The following RRP7A variants were observed in gnomAD, a reference collection of about 807,000 sequenced individuals.
RRP7A encodes the protein ribosomal RNA-processing protein 7 homolog A.
RRP7A carries 27 observed loss-of-function variants against 38.4 expected under a neutral mutation model. That is an observed-to-expected ratio of 0.70 (90% CI 0.52 to 0.97). RRP7A has a LOEUF of 0.97. Ranked by LOEUF, RRP7A falls within the 50% of genes least tolerant of loss-of-function variation. RRP7A has a pLI of 0.00. For missense variants in RRP7A, 327 were observed against 375.4 expected, an observed-to-expected ratio of 0.87 and a Z score of 1.07; for synonymous variants, 124 against 150.3, an observed-to-expected ratio of 0.83 and a Z score of 1.28.
At chr22:42,517,372 A>T (rs1601808227) in intron 2 of RRP7A, among the ~76,000 whole-genome samples, 1 of 149,958 alleles carries the variant, frequency 6.7e-6, no homozygotes, top group Non-Finnish European at 1.5e-5. Context: ...AAAAATTAAC[A>T]GTTGTGTTTG....
chr22:42,515,284 T>G lies in RRP7A; in HGVS notation c.343-16A>C, dbSNP rs527278869. 1.2e-4 allele frequency: 136 copies of G among 1,158,032 alleles called. No individual in the cohort carries two copies. The African/African-American group carries it at 2.2e-3, about 19-fold the overall frequency. The allele number at this position is 1,158,032 out of a possible 1,614,324, so 71.7% of individuals were successfully genotyped here. A position where few individuals can be genotyped will look rare whatever the true frequency, so the allele number is the denominator to read the frequency against. Reference sequence around the variant, plus strand: ...CCTGGAAACCCTGAAGAGAGAGAGATGTCAGAGGTTGGGGGCTCCTTCCCA... The same window carrying G: ...CCTGGAAACCCTGAAGAGAGAGAGAGGTCAGAGGTTGGGGGCTCCTTCCCA... On this transcript the variant is annotated splice_polypyrimidine_tract_variant and intron_variant, in intron 3 of 6. Coordinates refer to ENST00000323013, the MANE Select transcript of RRP7A (RefSeq NM_015703.5).
In RRP7A at chr22:42,511,997, T is replaced by C. The variant is rs1347838945; in HGVS notation, c.*913A>G. The C allele has an allele frequency of 1.4e-4, 99 of 711,438 alleles. No individual in the cohort carries two copies. The African/African-American group carries it at 1.4e-3, about 10-fold the overall frequency. 44.1% of individuals were successfully genotyped at this position (711,438 alleles called of 1,614,324 possible). ...AGCCGAGTGTGGGGGAAACTCACTGTGGGAGGCGCTCCTGACCTGCAGGGA... is the reference window on the plus strand; with the variant it reads ...AGCCGAGTGTGGGGGAAACTCACTGCGGGAGGCGCTCCTGACCTGCAGGGA... On this transcript the variant is annotated 3_prime_UTR_variant, in exon 7 of 7. Coordinates refer to ENST00000323013, the MANE Select transcript of RRP7A (RefSeq NM_015703.5).
rs1270033265 is a variant in RRP7A, at chr22:42,509,630, A to G, written c.*3280T>C. The stretch of plus-strand genomic sequence containing the variant: ...AGGCGAGAGCCACCGTGCGTGGCCC[A>G]CCATAGACGATTTTTAAGCCATAAA... On this transcript the variant is annotated 3_prime_UTR_variant, in exon 7 of 7. Transcript: ENST00000323013. 6.6e-6 allele frequency among the ~76,000 whole-genome samples: 1 copy of G among 151,810 alleles called. No homozygotes were observed. The highest frequency in any genetic ancestry group is 6.6e-5 in the Admixed American group (1 of 15,220).
chr22:42,517,146 T>C (rs78433467), intron 2 of RRP7A, among the ~76,000 whole-genome samples: 15,485 of 151,578 alleles, frequency 0.1, 1,974 homozygotes, highest in East Asian at 0.75. Context: ...GGCATGGTGG[T>C]GGGCGCCTGT....
rs2146620825 is a variant in RRP7A at position 42,514,361 on chromosome 22, G to GCCCTCCACA, written c.559-58_559-57insTGTGGAGGG. 1.0e-5 allele frequency: 13 copies of GCCCTCCACA among 1,252,058 alleles called. No homozygotes were observed. The South Asian group carries it at 1.7e-4, about 17-fold the overall frequency. 77.6% of individuals were successfully genotyped at this position (1,252,058 alleles called of 1,614,324 possible). A position where few individuals can be genotyped will look rare whatever the true frequency, so the allele number is the denominator to read the frequency against. ...GACCTCCTGCAGCCTCCAGCAGCGC[G>GCCCTCCACA]CCCTCCACGCCCTCCTCCCAAAGTC... On this transcript the variant is annotated intron_variant, in intron 5 of 6. Transcript: ENST00000323013.
In RRP7A at chr22:42,509,623, G is replaced by A. The variant is rs1468266535; in HGVS notation, c.*3287C>T. 1.3e-5 allele frequency among the ~76,000 whole-genome samples: 2 copies of A among 151,726 alleles called. No individual in the cohort carries two copies. The highest frequency in any genetic ancestry group is 6.6e-5 in the Admixed American group (1 of 15,212). ...GGATTACAGGCGAGAGCCACCGTGC[G>A]TGGCCCACCATAGACGATTTTTAAG... is the stretch of plus-strand genomic sequence containing the variant. On this transcript the variant is annotated 3_prime_UTR_variant, in exon 7 of 7. Coordinates refer to ENST00000323013, the MANE Select transcript of RRP7A (RefSeq NM_015703.5).
Position 42,508,972 on chromosome 22 carries a change from C to A in RRP7A, c.*3938G>T, listed in dbSNP as rs1932355883. 4 of 1,609,954 alleles carry A rather than the reference C, an allele frequency of 2.5e-6. No homozygotes were observed. The South Asian group carries it at 4.4e-5, about 18-fold the overall frequency. On this transcript the variant is annotated 3_prime_UTR_variant, in exon 7 of 7. Transcript: ENST00000323013. Reference sequence around the variant, plus strand: ...CACCCCAACAGAGATGGGTTTCGTGCCCACGAGAGTGCCTGTGCCTTGTGA... The same window carrying A: ...CACCCCAACAGAGATGGGTTTCGTGACCACGAGAGTGCCTGTGCCTTGTGA...
rs1435348087 is a variant in RRP7A at position 42,511,975 on chromosome 22, C to T, written c.*935G>A. 17 of 698,796 alleles carry T rather than the reference C, an allele frequency of 2.4e-5. No homozygotes were observed. Among genetic ancestry groups the T allele is most frequent in the Non-Finnish European group, 2.6e-5 (10 of 390,362 alleles). 43.3% of individuals were successfully genotyped at this position (698,796 alleles called of 1,614,324 possible). On this transcript the variant is annotated 3_prime_UTR_variant, in exon 7 of 7. Transcript: ENST00000323013. ...ATGGACTGTCGGGGCTCCAAGGAGC[C>T]GAGTGTGGGGGAAACTCACTGTGGG...
chr22:42,517,711 G>A (rs955696059), intron 2 of RRP7A, among the ~76,000 whole-genome samples: 2 of 152,150 alleles, frequency 1.3e-5, no homozygotes. Context: ...GTAGAGACGG[G>A]ATTTCACCAT....
At chr22:42,517,724 T>A in intron 2 of RRP7A, among the ~76,000 whole-genome samples, 1 of 152,178 alleles carries the variant, frequency 6.6e-6, no homozygotes, top group Admixed American at 6.5e-5. Context: ...TTCACCATGT[T>A]GGCTAGGCTG....
chr22:42,513,068 C>T, intron 6 of RRP7A, 73 bp from the exon 7 acceptor site: 3 of 1,261,540 alleles, frequency 2.4e-6, no homozygotes, highest in Non-Finnish European at 3.4e-6. Context: ...CATGCCCCAC[C>T]CCTCCTCCCA....
Position 42,512,764 on chromosome 22 carries a change from G to A in RRP7A, c.*146C>T, listed in dbSNP as rs921143452. 3.7e-6 allele frequency: 3 copies of A among 816,780 alleles called. No individual in the cohort carries two copies. The highest frequency in any genetic ancestry group is 1.5e-5 in the South Asian group (1 of 66,354). The allele number at this position is 816,780 out of a possible 1,614,324, so 50.6% of individuals were successfully genotyped here. A position where few individuals can be genotyped will look rare whatever the true frequency, so the allele number is the denominator to read the frequency against. On this transcript the variant is annotated 3_prime_UTR_variant, in exon 7 of 7. Transcript: ENST00000323013. The stretch of plus-strand genomic sequence containing the variant: ...TGGCCTGGTCCTTCCCTCCTGGCCT[G>A]TGTGGACTCTGATGGGGCTGTTGGA...
intron 1 of RRP7A, among the ~76,000 whole-genome samples, chr22:42,518,984 C>T (rs1158194584): frequency 3.4e-5 from 5 of 146,406 alleles, no homozygotes; most frequent in Admixed American, 2.1e-4. Flanking sequence ...TAGGCCATCA[C>T]GGATGGCCTC....
chr22:42,517,181 G>A (rs1920932322), intron 2 of RRP7A, among the ~76,000 whole-genome samples: 1 of 151,888 alleles, frequency 6.6e-6, no homozygotes, highest in Non-Finnish European at 1.5e-5. Context: ...GGGAGGCTGC[G>A]GCAGGAGAAT....
In RRP7A at chr22:42,509,442, C is replaced by T. The variant is rs973094141; in HGVS notation, c.*3468G>A. Among the ~76,000 whole-genome samples the T allele has an allele frequency of 1.3e-5, 2 of 150,814 alleles. No homozygotes were observed. The highest frequency in any genetic ancestry group is 1.5e-5 in the Non-Finnish European group (1 of 67,462). On this transcript the variant is annotated 3_prime_UTR_variant, in exon 7 of 7. Transcript: ENST00000323013. ...CTGCCTCCTGGATTCAAACGATTCT[C>T]CTGCCTCAGCCTCCCGAGTAGCTGG...
intron 4 of RRP7A, 144 bp from the exon 5 acceptor site, chr22:42,514,923 G>A (rs1920926149): frequency 2.3e-5 from 17 of 738,916 alleles, no homozygotes; most frequent in Middle Eastern, 7.5e-4. Context: ...TGCAAGCTGC[G>A]CCCTCGCTCT....
intron 1 of RRP7A, chr22:42,518,650 C>G (rs1399662082): frequency 2.1e-6 from 1 of 470,592 alleles, no homozygotes; most frequent in African/African-American, 2.0e-5. Flanking sequence ...TCAGGAGAGC[C>G]TTAGCATCAC....
intron 1 of RRP7A, among the ~76,000 whole-genome samples, 170 bp downstream of exon 1, chr22:42,519,544 G>A (rs958869569): frequency 3.3e-5 from 5 of 152,100 alleles, no homozygotes; most frequent in African/African-American, 1.2e-4. Flanking sequence ...GGCGCCGCCT[G>A]GGTCCTCGGG....
In RRP7A at chr22:42,516,049, C is replaced by T. The variant is rs1373596333; in HGVS notation, c.304G>A (p.Glu102Lys). The change falls in exon 3 of 7, where the codon GAG becomes AAG. Residue 102 changes from glutamate (E) to lysine (K), a missense_variant. By Grantham distance (56) the Glu-to-Lys change is moderately conservative (BLOSUM62 1). This residue lies in a region of RRP7A where 183 missense variants were observed against 141.8 expected (regional missense o/e 1.29). Transcript: ENST00000323013. The part of the protein sequence containing the change: ...EKPDLAESPK[E>K]SRSKFFHPKP... The stretch of plus-strand genomic sequence containing the variant: ...GGATGAAAAAACTTCGACCTTGACT[C>T]CTTTGGGCTCTCAGCCAGGTCCGGC... 6.2e-7 allele frequency: 1 copy of T among 1,611,956 alleles called. No homozygotes were observed. The highest frequency in any genetic ancestry group is 8.5e-7 in the Non-Finnish European group (1 of 1,178,850).
Sources: gnomAD v4.1 joint callset for allele counts (sites outside exome capture counted in the v4.1 genomes callset) on GRCh38, gnomAD v4.1.1 for gene constraint, gnomAD v4.1.1 regional missense constraint, MANE v1.5 for transcripts, NCBI Gene and HGNC (gene_info 2026-07-23, HGNC 2026-07-21) for gene names.